The following PRKCH variants were observed in gnomAD, a reference collection of about 807,000 sequenced individuals.
PRKCH encodes the protein protein kinase C eta type.
A neutral mutation model predicts 82.5 loss-of-function variants in PRKCH; 28 were observed. The ratio of observed to expected loss-of-function variants is 0.34; its 90% CI spans 0.25 to 0.47. The LOEUF (loss-of-function observed/expected upper bound fraction) is 0.47. Among genes scored for constraint, PRKCH ranks in the 20% least tolerant of loss-of-function variants. The pLI is 1.00. For missense variants in PRKCH, 705 were observed against 881.8 expected, an observed-to-expected ratio of 0.80 and a Z score of 2.54; for synonymous variants, 322 against 327.4, an observed-to-expected ratio of 0.98 and a Z score of 0.18.
intron 1 of PRKCH, among the ~76,000 whole-genome samples, chr14:61,265,470 A>G (rs940949540): frequency 2.0e-5 from 3 of 152,116 alleles, no homozygotes; most frequent in African/African-American, 7.2e-5. Flanking sequence ...GACAGAGCAT[A>G]ACCTTGTCTC....
At chr14:61,455,179 G>A (rs994054102) in intron 7 of PRKCH, among the ~76,000 whole-genome samples, 55 of 149,072 alleles carry the variant, frequency 3.7e-4, no homozygotes, top group African/African-American at 8.6e-4. Context: ...ATAGGCACCC[G>A]CCACCACGCC....
chr14:61,403,160 G>A (rs770704165), intron 2 of PRKCH, among the ~76,000 whole-genome samples: 22 of 152,090 alleles, frequency 1.4e-4, no homozygotes, highest in Non-Finnish European at 2.8e-4. Flanking sequence ...ATACTAACAT[G>A]TAATGGAATT....
chr14:61,482,871 A>G lies in PRKCH; in HGVS notation c.1279-2631A>G, dbSNP rs569137446. Among the ~76,000 whole-genome samples, 16 of 152,342 alleles carry G rather than the reference A, an allele frequency of 1.1e-4. No individual in the cohort carries two copies. The South Asian group carries it at 3.3e-3, about 32-fold the overall frequency. On this transcript the variant is annotated intron_variant, in intron 9 of 13. Coordinates refer to ENST00000332981, the MANE Select transcript of PRKCH (RefSeq NM_006255.5). The stretch of plus-strand genomic sequence containing the variant: ...TCCCCCCAGATCTGGAATTTAGCCC[A>G]CAGTCTGGCTTTTAGATTTTAGGCT...
At chr14:61,267,383 T>C (rs565275103) in intron 1 of PRKCH, among the ~76,000 whole-genome samples, 2 of 152,202 alleles carry the variant, frequency 1.3e-5, no homozygotes, top group Admixed American at 6.5e-5. Flanking sequence ...GACTCTTTAA[T>C]ATTCTCACTC....
In PRKCH at chr14:61,536,161, TG is replaced by T. The variant is rs5809104; in HGVS notation, c.1761+5569del. Among the ~76,000 whole-genome samples the T allele has an allele frequency of 8.3e-3, 1,108 of 133,768 alleles. 50 individuals carry two copies. In the East Asian group the frequency reaches 0.11, roughly 13 times the overall value. The allele number at this position is 133,768 out of a possible 152,430, so 87.8% of individuals were successfully genotyped here. On this transcript the variant is annotated intron_variant, in intron 12 of 13. Transcript: ENST00000332981. ...TAAATCCAGTCTCGGGTTCCTGGCCTGGGAGTCTATGTCACCCTCATGATTT... is the reference window on the plus strand; with the variant it reads ...TAAATCCAGTCTCGGGTTCCTGGCCTGGAGTCTATGTCACCCTCATGATTT...
At chr14:61,274,336 G>T (rs2045184289) in intron 1 of PRKCH, among the ~76,000 whole-genome samples, 1 of 152,206 alleles carries the variant, frequency 6.6e-6, no homozygotes, top group South Asian at 2.1e-4. Context: ...AACCATGAAG[G>T]TGTGTATGTC....
intron 2 of PRKCH, among the ~76,000 whole-genome samples, chr14:61,431,812 C>T (rs1219250607): frequency 6.6e-6 from 1 of 152,146 alleles, no homozygotes; most frequent in Non-Finnish European, 1.5e-5. Context: ...GCAATTCTTT[C>T]TTTTACAGTG....
chr14:61,495,640 C>T (rs1246806446), intron 10 of PRKCH, among the ~76,000 whole-genome samples: 1 of 152,160 alleles, frequency 6.6e-6, no homozygotes, highest in Non-Finnish European at 1.5e-5. Flanking sequence ...GTCCTGCCCT[C>T]GAGCTTGGGG....
chr14:61,231,334 T>A (rs2044741439), intron 1 of PRKCH, among the ~76,000 whole-genome samples: 1 of 151,506 alleles, frequency 6.6e-6, no homozygotes, highest in African/African-American at 2.4e-5. Context: ...AACTGATCAA[T>A]ACATTTAAGA....
At chr14:61,514,611 C>G (rs778040528) in intron 10 of PRKCH, among the ~76,000 whole-genome samples, 3 of 152,162 alleles carry the variant, frequency 2.0e-5, no homozygotes, top group African/African-American at 4.8e-5. Context: ...CAGCTCCCCC[C>G]ACATCCTCCC....
intron 1 of PRKCH, among the ~76,000 whole-genome samples, chr14:61,338,837 C>T (rs1208605305): frequency 2.6e-5 from 4 of 152,110 alleles, no homozygotes; most frequent in Non-Finnish European, 5.9e-5. Flanking sequence ...CTTCTGTTGT[C>T]ATTTGGTCCT....
intron 10 of PRKCH, among the ~76,000 whole-genome samples, chr14:61,527,140 A>G (rs2042976445): frequency 6.6e-6 from 1 of 152,188 alleles, no homozygotes; most frequent in Non-Finnish European, 1.5e-5. Context: ...CAGCTTTATC[A>G]GTACATGGCC....
intron 1 of PRKCH, among the ~76,000 whole-genome samples, chr14:61,297,101 G>T (rs1056131169): frequency 1.3e-5 from 2 of 152,052 alleles, no homozygotes; most frequent in Non-Finnish European, 2.9e-5. Flanking sequence ...TTGGCTTATG[G>T]TTTGTGACCA....
intron 10 of PRKCH, among the ~76,000 whole-genome samples, chr14:61,487,627 A>G (rs1236242981): frequency 6.6e-6 from 1 of 152,120 alleles, no homozygotes; most frequent in African/African-American, 2.4e-5. Flanking sequence ...TAAAAACTAC[A>G]TGTAAGTAAT....
At chr14:61,353,017 A>G (rs2046102888) in intron 1 of PRKCH, among the ~76,000 whole-genome samples, 1 of 152,244 alleles carries the variant, frequency 6.6e-6, no homozygotes, top group Non-Finnish European at 1.5e-5. Context: ...AAACATGGAT[A>G]TTCACACTAA....
At chr14:61,240,945 A>G (rs1385577340) in intron 1 of PRKCH, among the ~76,000 whole-genome samples, 3 of 49,672 alleles carry the variant, frequency 6.0e-5, no homozygotes, top group African/African-American at 2.3e-4. Flanking sequence ...GCAAGCGTCA[A>G]TTCTACAGCT....
intron 9 of PRKCH, 150 bp downstream of exon 9, chr14:61,457,829 G>A (rs1451639111): frequency 7.5e-6 from 8 of 1,069,730 alleles, no homozygotes; most frequent in Non-Finnish European, 9.5e-6. Context: ...GGTGACTTCT[G>A]CCAACCTCTG....
chr14:61,441,361 T>C (rs1883962091), intron 2 of PRKCH, among the ~76,000 whole-genome samples: 1 of 152,150 alleles, frequency 6.6e-6, no homozygotes, highest in Non-Finnish European at 1.5e-5. Flanking sequence ...GCCGGTGTGG[T>C]AGGGTCAGGA....
rs562770134 is a variant in PRKCH, at chr14:61,248,217, C to T, written c.-19+60549C>T. 1.0e-3 allele frequency among the ~76,000 whole-genome samples: 159 copies of T among 152,212 alleles called. 1 individual carries two copies. Among genetic ancestry groups the T allele is most frequent in the African/African-American group, 3.8e-3 (156 of 41,524 alleles). On this transcript the variant is annotated intron_variant, in intron 1 of 3. Transcript: ENST00000555185. ...GCACTCCTGTCCTGGTGGGTTGACC[C>T]ATATCTAAAATGCAACCTCATCCAT...
Sources: allele counts gnomAD v4.1 joint callset (sites outside exome capture counted in the v4.1 genomes callset), GRCh38; gene constraint gnomAD v4.1.1; transcripts MANE v1.5; gene names NCBI Gene and HGNC (gene_info 2026-07-23, HGNC 2026-07-21).